Variants in ITPR2 observed in about 807,000 individuals in gnomAD.
ITPR2 encodes the protein inositol 1,4,5-trisphosphate receptor type 2.
A neutral mutation model predicts 317.1 loss-of-function variants in ITPR2; 207 were observed. That is an observed-to-expected ratio of 0.65 (90% CI 0.58 to 0.73). The LOEUF is 0.73. Among genes scored for constraint, ITPR2 ranks in the 30% least tolerant of loss-of-function variants. The pLI, the probability that ITPR2 is intolerant of heterozygous loss-of-function variation, is 0.00. For missense variants in ITPR2, 2,613 were observed against 3,284.0 expected, an observed-to-expected ratio of 0.80 and a Z score of 4.99; for synonymous variants, 1,156 against 1,149.1, an observed-to-expected ratio of 1.01 and a Z score of -0.12.
At chr12:26,739,023 C>CA in intron 2 of ITPR2, among the ~76,000 whole-genome samples, 1 of 152,122 alleles carries the variant, frequency 6.6e-6, no homozygotes, top group South Asian at 2.1e-4. Context: ...AGATGTTTCA[C>CA]AAAAAAGGGA....
rs879047155 is a variant in ITPR2, at chr12:26,673,543, C to T, written c.1410-7492G>A. ...TAAATTAGGTATTGATGGGACGTAT[C>T]TCAAAATAATAAGAGCTATCTATGA... On this transcript the variant is annotated intron_variant, in intron 13 of 56. Coordinates refer to ENST00000381340, the MANE Select transcript of ITPR2 (RefSeq NM_002223.4). Among the ~76,000 whole-genome samples, 17 of 150,886 alleles carry T rather than the reference C, an allele frequency of 1.1e-4. No homozygotes were observed. The East Asian group carries it at 2.7e-3, about 24-fold the overall frequency.
At chr12:26,430,917 C>A (rs1449273039) in intron 48 of ITPR2, among the ~76,000 whole-genome samples, 1 of 152,148 alleles carries the variant, frequency 6.6e-6, no homozygotes, top group African/African-American at 2.4e-5. Flanking sequence ...CTCATGAGAT[C>A]TTTCTGTTTC....
chr12:26,344,482 C>T (rs530468328), intron 55 of ITPR2, among the ~76,000 whole-genome samples: 1 of 152,294 alleles, frequency 6.6e-6, no homozygotes, highest in African/African-American at 2.4e-5. Flanking sequence ...CTGCAACTCT[C>T]ACAGATAGTG....
Position 26,722,574 on chromosome 12 carries a change from G to C in ITPR2, c.367-19C>G, listed in dbSNP as rs1423023395. On this transcript the variant is annotated intron_variant, in intron 4 of 56. Coordinates refer to ENST00000381340, the MANE Select transcript of ITPR2 (RefSeq NM_002223.4). ...GCAGTAGCTATAGGGAAAAGACATA[G>C]ATTACCACCTTTATTCTTTGTTCTC... 2.5e-6 allele frequency: 4 copies of C among 1,579,998 alleles called. No homozygotes were observed. The highest frequency in any genetic ancestry group is 3.5e-6 in the Non-Finnish European group (4 of 1,152,716).
chr12:26,784,298 TCTCCCTCTCCCTCTC>T (rs1565762313), intron 2 of ITPR2, among the ~76,000 whole-genome samples: 8 of 9,030 alleles, frequency 8.9e-4, no homozygotes, highest in South Asian at 6.0e-3. Context: ...TCCCTCTCCC[TCTCCCTCTCCCTCTC>T]CCTCTGCCTC....
intron 23 of ITPR2, among the ~76,000 whole-genome samples, chr12:26,624,925 G>C (rs1301781724): frequency 6.6e-6 from 1 of 152,034 alleles, no homozygotes; most frequent in Non-Finnish European, 1.5e-5. Context: ...GCTAAGATTT[G>C]GAATCAACCT....
At chr12:26,817,015 TA>T (rs376218460) in intron 1 of ITPR2, among the ~76,000 whole-genome samples, 186 of 151,050 alleles carry the variant, frequency 1.2e-3, no homozygotes, top group East Asian at 4.3e-3. Context: ...CCATCTCTAC[TA>T]AAAAATACAA....
At chr12:26,459,262 C>T (rs1941958950) in intron 45 of ITPR2, among the ~76,000 whole-genome samples, 1 of 152,186 alleles carries the variant, frequency 6.6e-6, no homozygotes, top group African/African-American at 2.4e-5. Context: ...TGCTGTAATG[C>T]CACCAGTGTT....
At chr12:26,508,763 T>C (rs1943254592) in intron 37 of ITPR2, among the ~76,000 whole-genome samples, 2 of 152,148 alleles carry the variant, frequency 1.3e-5, no homozygotes, top group Non-Finnish European at 2.9e-5. Flanking sequence ...CAATAACACA[T>C]GTTGGTGAGG....
At position 26,336,779 on chromosome 12, in the gene ITPR2, AT is replaced by A. The variant is rs950434523; in HGVS notation, c.*2617del. The A allele has an allele frequency of 1.3e-5, 2 of 152,174 alleles. No homozygotes were observed. The highest frequency in any genetic ancestry group is 1.3e-4 in the Admixed American group (2 of 15,282). The allele number at this position is 152,174 out of a possible 1,614,324, so 9.4% of individuals were successfully genotyped here. A position where few individuals can be genotyped will look rare whatever the true frequency, so the allele number is the denominator to read the frequency against. On this transcript the variant is annotated 3_prime_UTR_variant, in exon 57 of 57. Transcript: ENST00000381340. ...ATCAAAGTTCAAGATGATTGCATTT[AT>A]TTTGATGTCACTATATAAATACAAG... is the stretch of plus-strand genomic sequence containing the variant.
intron 37 of ITPR2, among the ~76,000 whole-genome samples, chr12:26,502,642 A>T (rs914513956): frequency 3.3e-5 from 5 of 152,220 alleles, no homozygotes; most frequent in Non-Finnish European, 7.3e-5. Flanking sequence ...AGCTTCTGCA[A>T]AGACTATGTT....
intron 5 of ITPR2, among the ~76,000 whole-genome samples, chr12:26,721,897 A>G (rs1463950277): frequency 1.3e-5 from 2 of 152,168 alleles, no homozygotes; most frequent in African/African-American, 4.8e-5. Context: ...ACATATTGTA[A>G]ACATAGTTGT....
chr12:26,580,087 T>A lies in ITPR2; in HGVS notation c.4449A>T (p.Ile1483=), dbSNP rs912619900. Residue 1483 remains isoleucine (I), a synonymous_variant, in exon 33 of 57, where the codon ATA becomes ATT. Transcript: ENST00000381340. ...TAAAGAAGCCGCTCACAATATTCAT[T>A]ATTGACTCAGTAACACACTTTTCCA... ...IFLEKCVTES[I]MNIVSGFFNS... The A allele has an allele frequency of 6.2e-7, 1 of 1,611,726 alleles. No homozygotes were observed. The highest frequency in any genetic ancestry group is 1.3e-5 in the African/African-American group (1 of 75,012).
chr12:26,807,320 T>C (rs1171413932), intron 1 of ITPR2, among the ~76,000 whole-genome samples: 1 of 152,222 alleles, frequency 6.6e-6, no homozygotes, highest in East Asian at 1.9e-4. Context: ...TGTTCCACTG[T>C]AATAAAACAA....
At chr12:26,466,318 A>C (rs970276946) in intron 45 of ITPR2, among the ~76,000 whole-genome samples, 2 of 152,238 alleles carry the variant, frequency 1.3e-5, no homozygotes, top group Non-Finnish European at 2.9e-5. Context: ...ATTAAATGCC[A>C]GTAAAAAGTT....
chr12:26,692,855 A>G (rs773558220), intron 10 of ITPR2, among the ~76,000 whole-genome samples: 4 of 152,228 alleles, frequency 2.6e-5, no homozygotes, highest in Non-Finnish European at 5.9e-5. Context: ...AGAAAAAATT[A>G]GCATGGTCAT....
At chr12:26,465,169 G>A (rs573420324) in intron 45 of ITPR2, among the ~76,000 whole-genome samples, 1 of 152,358 alleles carries the variant, frequency 6.6e-6, no homozygotes, top group Non-Finnish European at 1.5e-5. Context: ...AGAAGCCAGA[G>A]AAAGAAATAG....
intron 55 of ITPR2, among the ~76,000 whole-genome samples, chr12:26,377,820 A>G (rs939000885): frequency 3.3e-5 from 5 of 152,208 alleles, no homozygotes; most frequent in African/African-American, 1.2e-4. Context: ...TTGCTAACAC[A>G]TATCATATCC....
At chr12:26,584,323 C>T (rs1417908302) in intron 32 of ITPR2, among the ~76,000 whole-genome samples, 1 of 152,102 alleles carries the variant, frequency 6.6e-6, no homozygotes, top group Non-Finnish European at 1.5e-5. Flanking sequence ...AAAATGTTGT[C>T]TCTGCCATTA....
Sources: gnomAD v4.1 joint callset for allele counts (sites outside exome capture counted in the v4.1 genomes callset) on GRCh38, gnomAD v4.1.1 for gene constraint, MANE v1.5 for transcripts, NCBI Gene and HGNC (gene_info 2026-07-23, HGNC 2026-07-21) for gene names.